Variants in WDR3 observed in about 807,000 individuals in gnomAD.
WDR3 encodes the protein WD repeat domain 3.
In WDR3, 81 loss-of-function variants were observed where a neutral mutation model predicts 123.7. The ratio of observed to expected loss-of-function variants is 0.65; its 90% confidence interval spans 0.55 to 0.79. The LOEUF is 0.79. Ranked by LOEUF, WDR3 falls within the 30% of genes least tolerant of loss-of-function variation. WDR3 has a pLI of 0.00. For synonymous variants in WDR3, 390 were observed against 388.8 expected, an observed-to-expected ratio of 1.00 and a Z score of -0.04; for missense variants, 1,027 against 1,123.2, an observed-to-expected ratio of 0.91 and a Z score of 1.22.
chr1:117,936,927 AAG>A (rs1168312320), intron 4 of WDR3, 40 bp downstream of exon 4: 1 of 1,569,338 alleles, frequency 6.4e-7, no homozygotes, highest in Non-Finnish European at 8.8e-7. Context: ...ATTTTCTAGG[AAG>A]AGAGAATTTG....
intron 19 of WDR3, 34 bp from the exon 20 acceptor site, chr1:117,952,912 T>C (rs1158069962): frequency 1.9e-6 from 3 of 1,609,868 alleles, no homozygotes; most frequent in South Asian, 2.2e-5. Context: ...CATGTTTTTT[T>C]CTCTCAAATT....
At chr1:117,953,588 A>G (rs1651750980) in intron 21 of WDR3, 47 bp downstream of exon 21, 1 of 1,584,198 alleles carries the variant, frequency 6.3e-7, no homozygotes, top group Non-Finnish European at 8.6e-7. Context: ...TAAGATCTCA[A>G]CTTTTTAGTA....
rs1367053715 is a variant in WDR3 at position 117,963,029 on chromosome 1, G to C, written c.*3582G>C. ...TTGAGATGGGGCTAAGGTTCTTAAAGGTAGTATCACCATATATTCAAGTCC... is the reference window on the plus strand; with the variant it reads ...TTGAGATGGGGCTAAGGTTCTTAAACGTAGTATCACCATATATTCAAGTCC... On this transcript the variant is annotated 3_prime_UTR_variant, in exon 27 of 27. Transcript: ENST00000349139. 2 of 152,218 alleles carry C rather than the reference G, an allele frequency of 1.3e-5. No homozygotes were observed. Among genetic ancestry groups the C allele is most frequent in the Non-Finnish European group, 2.9e-5 (2 of 68,048 alleles). 9.4% of individuals were successfully genotyped at this position (152,218 alleles called of 1,614,324 possible).
intron 6 of WDR3, 87 bp from the exon 7 acceptor site, chr1:117,940,740 C>CAACAA (rs1478677878): frequency 8.0e-7 from 1 of 1,249,250 alleles, no homozygotes; most frequent in Non-Finnish European, 1.1e-6. Context: ...ACAACAACAA[C>CAACAA]AACAACAACA....
Position 117,948,490 on chromosome 1 carries a change from C to G in WDR3, c.1508C>G (p.Ser503Cys). ...CATGATGGAGCTTTGTGGTCCATGT[C>G]CCTCTCTCCAGATCAGGTAACTAAA... ...DAHDGALWSM[S>C]LSPDQRGFVT... is the part of the protein sequence containing the mutation. Residue 503 changes from serine (S) to cysteine (C), a missense_variant, in exon 13 of 27, where the codon TCC (serine) becomes TGC (cysteine). Coordinates refer to ENST00000349139, the MANE Select transcript of WDR3 (RefSeq NM_006784.3). The G allele has an allele frequency of 2.5e-6, 4 of 1,613,648 alleles. No individual in the cohort carries two copies. The highest frequency in any genetic ancestry group is 2.5e-6 in the Non-Finnish European group (3 of 1,179,818).
chr1:117,957,155 T>TA lies in WDR3; in HGVS notation c.2541_2542insA (p.Asp848ArgfsTer3), dbSNP rs756270919. 1 of 1,612,800 alleles carries TA rather than the reference T, an allele frequency of 6.2e-7. No individual in the cohort carries two copies. The highest frequency in any genetic ancestry group is 1.3e-5 in the African/African-American group (1 of 74,966). On this transcript the variant is annotated frameshift_variant, in exon 25 of 27. Transcript: ENST00000349139. LOFTEE classifies it high-confidence loss of function. ...TTAACGAATTCATTCAGCTGGGCTC[T>TA]GATGTTGAACTTATATGCCGGTGCC...
Position 117,936,901 on chromosome 1 carries a change from G to C in WDR3, c.500+14G>C, listed in dbSNP as rs747469795. On this transcript the variant is annotated intron_variant, in intron 4 of 26. Transcript: ENST00000349139. ...GCTAGTTACTAGGTAAAGAAATAAT[G>C]GTTTAATTTCCAGTTATTTTCTAGG... The C allele has an allele frequency of 6.3e-7, 1 of 1,594,830 alleles. No homozygotes were observed. Among genetic ancestry groups the C allele is most frequent in the East Asian group, 2.2e-5 (1 of 44,688 alleles).
intron 1 of WDR3, among the ~76,000 whole-genome samples, chr1:117,932,247 C>T (rs1650756823): frequency 1.3e-5 from 2 of 152,180 alleles, no homozygotes; most frequent in African/African-American, 4.8e-5. Flanking sequence ...AGTTGCTCAA[C>T]CATTTTCTAT....
intron 1 of WDR3, among the ~76,000 whole-genome samples, chr1:117,930,534 A>G (rs1650674950): frequency 6.6e-6 from 1 of 152,232 alleles, no homozygotes; most frequent in Admixed American, 6.5e-5. Context: ...CTGGCAAACG[A>G]TTTAGCCTTT....
At chr1:117,953,390 G>A in intron 20 of WDR3, 86 bp from the exon 21 acceptor site, 1 of 1,300,086 alleles carries the variant, frequency 7.7e-7, no homozygotes, top group Non-Finnish European at 1.1e-6. Flanking sequence ...AATAATAGCT[G>A]TTCTCATATG....
At chr1:117,941,267 T>C in intron 8 of WDR3, 42 bp downstream of exon 8, 1 of 1,577,858 alleles carries the variant, frequency 6.3e-7, no homozygotes, top group East Asian at 2.2e-5. Flanking sequence ...GACTAGGCTG[T>C]TCCTTCCAAA....
In WDR3 at chr1:117,946,068, A is replaced by AT. The variant is rs748583853; in HGVS notation, c.1329-12dup. On this transcript the variant is annotated splice_polypyrimidine_tract_variant and intron_variant, in intron 11 of 26. Transcript: ENST00000349139. ...CAGATTCTCTTAACATGAGTTCTTT[A>AT]TTTTTTCTTTCTCATAGGTCTACAC... 2 of 1,583,812 alleles carry AT rather than the reference A, an allele frequency of 1.3e-6. No individual in the cohort carries two copies. The highest frequency in any genetic ancestry group is 1.7e-6 in the Non-Finnish European group (2 of 1,163,930).
chr1:117,952,904 T>C, intron 19 of WDR3, 42 bp from the exon 20 acceptor site: 1 of 1,606,290 alleles, frequency 6.2e-7, no homozygotes, highest in Non-Finnish European at 8.5e-7. Context: ...ATAGAGACCA[T>C]GTTTTTTTCT....
Position 117,943,577 on chromosome 1 carries a change from A to G in WDR3, c.1279A>G (p.Asn427Asp), listed in dbSNP as rs372504845. ...DVRTLSFSSD[N>D]IAVLSAAADS... ...GCGGACTTTGTCATTCAGCTCAGAC[A>G]ATATTGCTGTTCTTTCAGCTGCAGC... The change falls in exon 11 of 27, where the codon AAT (asparagine) becomes GAT (aspartate). Residue 427 changes from asparagine (N) to aspartate (D), a missense_variant. Coordinates refer to ENST00000349139, the MANE Select transcript of WDR3 (RefSeq NM_006784.3). 4 of 1,614,030 alleles carry G rather than the reference A, an allele frequency of 2.5e-6. No individual in the cohort carries two copies. The highest frequency in any genetic ancestry group is 3.3e-5 in the Admixed American group (2 of 60,004).
rs766182330 is a variant in WDR3 at position 117,963,889 on chromosome 1, C to T, written c.*4442C>T. On this transcript the variant is annotated 3_prime_UTR_variant, in exon 27 of 27. Coordinates refer to ENST00000349139, the MANE Select transcript of WDR3 (RefSeq NM_006784.3). The stretch of plus-strand genomic sequence containing the variant: ...TCTGGACCATTGGATTTTCTTTTCC[C>T]TGGGGAAAGTCTTTTGGTCGTTTAT... The T allele has an allele frequency of 1.9e-5, 31 of 1,613,748 alleles. No individual in the cohort carries two copies. In the South Asian group the frequency reaches 3.4e-4, roughly 18 times the overall value.
chr1:117,934,062 T>A (rs559047700), intron 2 of WDR3, among the ~76,000 whole-genome samples: 104 of 152,326 alleles, frequency 6.8e-4, no homozygotes, highest in African/African-American at 2.4e-3. Flanking sequence ...CCTTTGTGGT[T>A]AAAACCACTG....
chr1:117,946,982 A>G (rs112881635), intron 12 of WDR3, among the ~76,000 whole-genome samples: 1,641 of 150,996 alleles, frequency 0.011, 30 homozygotes, highest in African/African-American at 0.038. Flanking sequence ...GGAGCAAGTC[A>G]CATAACTGCT....
Position 117,963,191 on chromosome 1 carries a change from C to G in WDR3, c.*3744C>G, listed in dbSNP as rs2101393482. 6.6e-6 allele frequency: 1 copy of G among 152,256 alleles called. No homozygotes were observed. Among genetic ancestry groups the G allele is most frequent in the Middle Eastern group, 3.4e-3 (1 of 294 alleles). The allele number at this position is 152,256 out of a possible 1,614,324, so 9.4% of individuals were successfully genotyped here. A position where few individuals can be genotyped will look rare whatever the true frequency, so the allele number is the denominator to read the frequency against. On this transcript the variant is annotated 3_prime_UTR_variant, in exon 27 of 27. Transcript: ENST00000349139. The stretch of plus-strand genomic sequence containing the variant: ...GTGTTGCCCTTGTGTATCCCTTCCC[C>G]TTGAGTATGGGGTCGGACCTAGTGA...
intron 2 of WDR3, 63 bp from the exon 3 acceptor site, chr1:117,934,410 T>C: frequency 1.3e-6 from 2 of 1,530,700 alleles, no homozygotes; most frequent in East Asian, 4.5e-5. Flanking sequence ...TGAGTATTCC[T>C]ATGCTTTTCC....
Sources: allele counts gnomAD v4.1 joint callset (sites outside exome capture counted in the v4.1 genomes callset), GRCh38; gene constraint gnomAD v4.1.1; transcripts MANE v1.5; gene names NCBI Gene and HGNC (gene_info 2026-07-23, HGNC 2026-07-21).